Variants in UGT2A1 observed in about 807,000 individuals in gnomAD.
UGT2A1 encodes UDP-glucuronosyltransferase 2A1.
In UGT2A1, 61 loss-of-function variants were observed where a neutral mutation model predicts 45.4. The ratio of observed to expected loss-of-function variants is 1.34; its 90% confidence interval spans 1.09 to 1.66. The LOEUF is 1.66. Ranked by LOEUF, UGT2A1 falls within the 40% of genes most tolerant of loss-of-function variation. UGT2A1 has a pLI of 0.00. For synonymous variants in UGT2A1, 229 were observed against 196.2 expected (o/e 1.17, Z -1.40); for missense variants, 649 against 574.3 (o/e 1.13, Z -1.33).
chr4:69,644,318 A>G (rs1295561431), intron 2 of UGT2A1, among the ~76,000 whole-genome samples: 1 of 151,728 alleles, frequency 6.6e-6, no homozygotes, highest in African/African-American at 2.4e-5. Flanking sequence ...TAAAGAGCAT[A>G]GTAATCATGA....
At chr4:69,610,068 T>C (rs776053505) in intron 3 of UGT2A1, among the ~76,000 whole-genome samples, 13 of 152,180 alleles carry the variant, frequency 8.5e-5, no homozygotes, top group Non-Finnish European at 1.5e-4. Flanking sequence ...TGGTTTCCAT[T>C]GGAAGAATCA....
chr4:69,611,537 T>C (rs1229046351), intron 3 of UGT2A1, among the ~76,000 whole-genome samples: 1 of 152,078 alleles, frequency 6.6e-6, no homozygotes, highest in Non-Finnish European at 1.5e-5. Context: ...CTACATGATA[T>C]AGCTCAGAGT....
intron 4 of UGT2A1, among the ~76,000 whole-genome samples, chr4:69,596,603 A>T (rs1317902474): frequency 6.6e-6 from 1 of 151,960 alleles, no homozygotes; most frequent in African/African-American, 2.4e-5. Flanking sequence ...GCTCACTGCA[A>T]CCTCACCTCC....
chr4:69,644,503 AAGG>A (rs1362669598), intron 2 of UGT2A1, among the ~76,000 whole-genome samples: 1 of 151,708 alleles, frequency 6.6e-6, no homozygotes, highest in Admixed American at 6.6e-5. Context: ...TGAGGATATG[AAGG>A]AGATTTTGCC....
At chr4:69,644,499 T>C (rs1014025387) in intron 2 of UGT2A1, among the ~76,000 whole-genome samples, 5 of 151,750 alleles carry the variant, frequency 3.3e-5, no homozygotes, top group Non-Finnish European at 7.4e-5. Flanking sequence ...CACCTGAGGA[T>C]ATGAAGGAGA....
At chr4:69,602,947 A>G (rs1009362301) in intron 3 of UGT2A1, among the ~76,000 whole-genome samples, 3 of 135,648 alleles carry the variant, frequency 2.2e-5, no homozygotes, top group Non-Finnish European at 4.7e-5. Flanking sequence ...AGGTGCCTGT[A>G]ATCCCAGATA....
At chr4:69,624,080 C>A (rs982361112) in intron 3 of UGT2A1, among the ~76,000 whole-genome samples, 6 of 151,630 alleles carry the variant, frequency 4.0e-5, no homozygotes, top group African/African-American at 1.4e-4. Context: ...TGAGAGAGGA[C>A]CATCATAATC....
At position 69,641,362 on chromosome 4, in the gene UGT2A1, C is replaced by A. The variant is rs1330634896; in HGVS notation, c.716-5540G>T. On this transcript the variant is annotated intron_variant, in intron 2 of 6. Transcript: ENST00000286604. Reference sequence around the variant, plus strand: ...AATCCTATTAGTCTGAATTGATAATCCTCATAGCAACATTTTGGTATGAAA... The same window carrying A: ...AATCCTATTAGTCTGAATTGATAATACTCATAGCAACATTTTGGTATGAAA... 4.0e-5 allele frequency among the ~76,000 whole-genome samples: 6 copies of A among 151,806 alleles called. No homozygotes were observed. The East Asian group carries it at 5.8e-4, about 15-fold the overall frequency.
chr4:69,635,152 A>C (rs1721603401), intron 3 of UGT2A1, among the ~76,000 whole-genome samples: 1 of 152,198 alleles, frequency 6.6e-6, no homozygotes, highest in East Asian at 1.9e-4. Flanking sequence ...AAGAGGAGTA[A>C]GGATTAAAGT....
intron 3 of UGT2A1, among the ~76,000 whole-genome samples, chr4:69,618,147 A>ATT (rs1396650782): frequency 3.5e-4 from 53 of 151,628 alleles, no homozygotes; most frequent in African/African-American, 1.3e-3. Flanking sequence ...TCATAATTCT[A>ATT]TGAGAAAATA....
chr4:69,621,100 T>A (rs1720729764), intron 3 of UGT2A1, among the ~76,000 whole-genome samples: 2 of 151,924 alleles, frequency 1.3e-5, no homozygotes, highest in Non-Finnish European at 2.9e-5. Context: ...GGAAATATTT[T>A]ATGACAAAGA....
chr4:69,592,866 T>C (rs1050293475), intron 6 of UGT2A1, among the ~76,000 whole-genome samples: 5 of 152,104 alleles, frequency 3.3e-5, no homozygotes, highest in Admixed American at 2.0e-4. Context: ...AGATTAACAT[T>C]GTTGTAAAGA....
Position 69,647,700 on chromosome 4 carries a change from T to C in UGT2A1, c.-54-2A>G. The C allele has an allele frequency of 8.0e-7, 1 of 1,255,348 alleles. No individual in the cohort carries two copies. The highest frequency in any genetic ancestry group is 1.1e-6 in the Non-Finnish European group (1 of 928,372). The allele number at this position is 1,255,348 out of a possible 1,614,324, so 77.8% of individuals were successfully genotyped here. A position where few individuals can be genotyped will look rare whatever the true frequency, so the allele number is the denominator to read the frequency against. ...ATGTGAAGCAAATGTTTTTCTCTGC[T>C]TTTAAAGAAAAAAAGGAAAGACAAA... is the stretch of plus-strand genomic sequence containing the variant. On this transcript the variant is annotated splice_acceptor_variant, in intron 1 of 6. Transcript: ENST00000286604. LOFTEE classifies it low-confidence loss of function (5UTR_SPLICE).
At chr4:69,616,086 T>C (rs1720363204) in intron 3 of UGT2A1, among the ~76,000 whole-genome samples, 1 of 151,938 alleles carries the variant, frequency 6.6e-6, no homozygotes, top group Non-Finnish European at 1.5e-5. Flanking sequence ...TAGAGTTTCC[T>C]CCAGTTAAGT....
Position 69,605,066 on chromosome 4 carries a change from T to C in UGT2A1, c.848-5672A>G, listed in dbSNP as rs1303892599. Among the ~76,000 whole-genome samples the C allele has an allele frequency of 2.9e-5, 4 of 136,436 alleles. 2 individuals are homozygous for C. Among genetic ancestry groups the C allele is most frequent in the African/African-American group, 5.9e-5 (2 of 33,668 alleles). 89.5% of individuals were successfully genotyped at this position (136,436 alleles called of 152,430 possible). A position where few individuals can be genotyped will look rare whatever the true frequency, so the allele number is the denominator to read the frequency against. On this transcript the variant is annotated intron_variant, in intron 3 of 6. Coordinates refer to ENST00000286604, the MANE Select transcript of UGT2A1 (RefSeq NM_001252275.3). Reference sequence around the variant, plus strand: ...GAATTGAACTCAGCTCTGCACCAAGTAGACCTAATACACATCTACAGAATT... The same window carrying C: ...GAATTGAACTCAGCTCTGCACCAAGCAGACCTAATACACATCTACAGAATT...
At chr4:69,606,205 C>T (rs1719602291) in intron 3 of UGT2A1, among the ~76,000 whole-genome samples, 1 of 136,182 alleles carries the variant, frequency 7.3e-6, no homozygotes, top group Admixed American at 7.2e-5. Context: ...TCCAGCGGCA[C>T]ATCAAAAAGC....
At chr4:69,609,143 A>G (rs1719872074) in intron 3 of UGT2A1, among the ~76,000 whole-genome samples, 1 of 131,458 alleles carries the variant, frequency 7.6e-6, no homozygotes. Context: ...AGGCTCATCT[A>G]GAATATATAA....
intron 3 of UGT2A1, among the ~76,000 whole-genome samples, chr4:69,627,626 A>G (rs1721164445): frequency 2.0e-5 from 3 of 151,680 alleles, no homozygotes; most frequent in Admixed American, 1.3e-4. Flanking sequence ...GAAGAAAGAA[A>G]AAAGAAAATC....
intron 3 of UGT2A1, among the ~76,000 whole-genome samples, chr4:69,618,435 T>C (rs190608909): frequency 5.9e-5 from 9 of 152,060 alleles, no homozygotes; most frequent in African/African-American, 1.9e-4. Context: ...AGCACAAAAA[T>C]GTCTTGGTGA....
Sources: allele counts gnomAD v4.1 joint callset (sites outside exome capture counted in the v4.1 genomes callset), GRCh38; gene constraint gnomAD v4.1.1; transcripts MANE v1.5; gene names NCBI Gene and HGNC (gene_info 2026-07-23, HGNC 2026-07-21).